Variants in DCC observed in about 807,000 individuals in gnomAD.
DCC encodes the protein DCC netrin 1 receptor.
Under a neutral mutation model 172.5 loss-of-function variants are expected in DCC, and 58 were observed. The observed-to-expected ratio is 0.34, with a 90% confidence interval of 0.27 to 0.42. The LOEUF is 0.42. Ranked by LOEUF, DCC falls within the 10% of genes least tolerant of loss-of-function variation. The pLI, the probability that DCC is intolerant of heterozygous loss-of-function variation, is 1.00. For missense variants in DCC, 1,740 were observed against 1,791.0 expected (o/e 0.97, Z 0.51); for synonymous variants, 709 against 644.5 (o/e 1.10, Z -1.52).
intron 12 of DCC, among the ~76,000 whole-genome samples, chr18:53,244,435 A>T (rs1368213908): frequency 6.6e-6 from 1 of 152,056 alleles, no homozygotes; most frequent in Non-Finnish European, 1.5e-5. Context: ...CCACCTTAAA[A>T]CTTAGTGGCT....
intron 1 of DCC, among the ~76,000 whole-genome samples, chr18:52,454,891 T>C (rs1371710870): frequency 6.6e-6 from 1 of 152,198 alleles, no homozygotes; most frequent in Non-Finnish European, 1.5e-5. Context: ...GTGGCTGGTA[T>C]TAGAGTAGCA....
intron 1 of DCC, among the ~76,000 whole-genome samples, chr18:52,734,425 T>C (rs2036693162): frequency 6.6e-6 from 1 of 152,140 alleles, no homozygotes; most frequent in African/African-American, 2.4e-5. Flanking sequence ...TTGACATTGT[T>C]GGCAAAAAAT....
chr18:52,426,934 G>A (rs1987448122), intron 1 of DCC, among the ~76,000 whole-genome samples: 1 of 151,964 alleles, frequency 6.6e-6, no homozygotes, highest in African/African-American at 2.4e-5. Flanking sequence ...TTAATTCTTG[G>A]TATACTTTAT....
chr18:53,455,024 C>CT (rs2045466615), intron 23 of DCC, among the ~76,000 whole-genome samples: 1 of 152,126 alleles, frequency 6.6e-6, no homozygotes, highest in Non-Finnish European at 1.5e-5. Context: ...CAATTAGGGG[C>CT]TAGAAGCCTT....
chr18:52,830,370 T>C lies in DCC; in HGVS notation c.413-75674T>C, dbSNP rs150380304. ...CAATTCTTCTTCTAGTGTGTTCCAA[T>C]GAAGCCAAAAGATTGGATATCCCTG... On this transcript the variant is annotated intron_variant, in intron 2 of 28. Transcript: ENST00000442544. Among the ~76,000 whole-genome samples the C allele has an allele frequency of 2.1e-3, 322 of 152,284 alleles. 1 individual carries two copies. The highest frequency in any genetic ancestry group is 7.4e-3 in the African/African-American group (309 of 41,532).
intron 5 of DCC, among the ~76,000 whole-genome samples, chr18:52,987,906 T>C (rs972143628): frequency 6.6e-6 from 1 of 152,230 alleles, no homozygotes; most frequent in Admixed American, 6.5e-5. Flanking sequence ...TTCATTCTAC[T>C]GAAATAATAG....
intron 1 of DCC, among the ~76,000 whole-genome samples, chr18:52,727,887 C>T (rs1476231350): frequency 6.6e-6 from 1 of 152,178 alleles, no homozygotes; most frequent in Non-Finnish European, 1.5e-5. Flanking sequence ...ACAATGTATT[C>T]ATAATCCATG....
intron 1 of DCC, among the ~76,000 whole-genome samples, chr18:52,446,893 A>T (rs1258409965): frequency 6.6e-6 from 1 of 152,220 alleles, no homozygotes; most frequent in African/African-American, 2.4e-5. Flanking sequence ...TACATTCGGC[A>T]TAATGCCCAG....
At chr18:52,923,424 T>G (rs777273600) in intron 3 of DCC, among the ~76,000 whole-genome samples, 5 of 152,190 alleles carry the variant, frequency 3.3e-5, no homozygotes, top group Admixed American at 6.5e-5. Flanking sequence ...TTCTGTTCTC[T>G]AATGCTGATA....
At chr18:52,607,831 G>T (rs1287586368) in intron 1 of DCC, among the ~76,000 whole-genome samples, 2 of 152,100 alleles carry the variant, frequency 1.3e-5, no homozygotes, top group Non-Finnish European at 2.9e-5. Context: ...AACAAAAGAT[G>T]ATTAGAGATC....
intron 12 of DCC, among the ~76,000 whole-genome samples, chr18:53,227,881 T>C (rs2056058740): frequency 6.6e-6 from 1 of 152,198 alleles, no homozygotes; most frequent in South Asian, 2.1e-4. Context: ...ATTAACTAGA[T>C]TGCTGTCTAT....
intron 3 of DCC, among the ~76,000 whole-genome samples, chr18:52,908,643 C>T (rs2039925108): frequency 6.6e-6 from 1 of 151,988 alleles, no homozygotes; most frequent in Admixed American, 6.6e-5. Context: ...TAATCAAATC[C>T]CCATTTACCT....
intron 2 of DCC, among the ~76,000 whole-genome samples, chr18:52,857,117 A>C (rs1247116452): frequency 6.6e-6 from 1 of 152,202 alleles, no homozygotes; most frequent in Non-Finnish European, 1.5e-5. Flanking sequence ...TTTGGAAAAA[A>C]AATGGTAAAA....
intron 1 of DCC, among the ~76,000 whole-genome samples, chr18:52,707,782 C>T (rs926593844): frequency 9.2e-5 from 14 of 152,160 alleles, no homozygotes; most frequent in African/African-American, 3.4e-4. Context: ...ACTACATGAT[C>T]TATCTTTTAT....
intron 1 of DCC, among the ~76,000 whole-genome samples, chr18:52,460,005 G>T (rs1347040740): frequency 6.6e-6 from 1 of 151,648 alleles, no homozygotes; most frequent in South Asian, 2.1e-4. Flanking sequence ...ATTGTGAATA[G>T]TGCTACAATG....
At chr18:53,425,440 A>G (rs918296764) in intron 21 of DCC, among the ~76,000 whole-genome samples, 23 of 144,834 alleles carry the variant, frequency 1.6e-4, no homozygotes, top group Non-Finnish European at 3.0e-4. Context: ...GCTCACTGCA[A>G]TCTCTGCCTC....
chr18:53,263,432 A>G (rs1046144991), intron 12 of DCC, among the ~76,000 whole-genome samples: 1 of 152,216 alleles, frequency 6.6e-6, no homozygotes, highest in Non-Finnish European at 1.5e-5. Flanking sequence ...GATTACAGGC[A>G]TGAGCCACCA....
intron 2 of DCC, among the ~76,000 whole-genome samples, chr18:52,838,886 A>AG (rs1304438123): frequency 2.0e-5 from 3 of 152,256 alleles, no homozygotes; most frequent in African/African-American, 7.2e-5. Context: ...AGAGGATCTT[A>AG]GAAGATAGGT....
rs2055638303 is a variant in DCC, at chr18:53,206,368, GTAA to G, written c.1722+1005_1722+1007del. Among the ~76,000 whole-genome samples, 4 of 36,862 alleles carry G rather than the reference GTAA, an allele frequency of 1.1e-4. No homozygotes were observed. The South Asian group carries it at 1.8e-3, about 17-fold the overall frequency. The allele number at this position is 36,862 out of a possible 152,430, so 24.2% of individuals were successfully genotyped here. On this transcript the variant is annotated intron_variant, in intron 10 of 28. Coordinates refer to ENST00000442544, the MANE Select transcript of DCC (RefSeq NM_005215.4). ...ATATGTATATATACATATATGTATT[GTAA>G]CACATATATGTATATATGTATATAT...
Sources: gnomAD v4.1 joint callset for allele counts (sites outside exome capture counted in the v4.1 genomes callset) on GRCh38, gnomAD v4.1.1 for gene constraint, MANE v1.5 for transcripts, NCBI Gene and HGNC (gene_info 2026-07-23, HGNC 2026-07-21) for gene names.